CPVL: variants seen among roughly 807,000 people sequenced by gnomAD.
CPVL encodes the protein carboxypeptidase vitellogenic like, also known as probable serine carboxypeptidase CPVL.
A neutral mutation model predicts 63.7 loss-of-function variants in CPVL; 51 were observed. The ratio of observed to expected loss-of-function variants is 0.80; its 90% CI spans 0.64 to 1.01. The LOEUF is 1.01. CPVL is among the 50% of genes least tolerant of loss of function. The pLI, the probability that CPVL is intolerant of heterozygous loss-of-function variation, is 0.00. For missense variants in CPVL, 530 were observed against 573.1 expected (o/e 0.92, Z 0.77); for synonymous variants, 195 against 206.0 (o/e 0.95, Z 0.46).
intron 12 of CPVL, chr7:29,010,178 G>C (rs1047956068): frequency 6.6e-6 from 1 of 152,064 alleles, no homozygotes; most frequent in Non-Finnish European, 1.5e-5. Context: ...TGGGACTCTG[G>C]TTGCTGTATA....
chr7:29,079,679 C>T (rs548625080), intron 7 of CPVL, among the ~76,000 whole-genome samples: 2 of 152,316 alleles, frequency 1.3e-5, no homozygotes, highest in South Asian at 4.1e-4. Context: ...TGATCCCAAG[C>T]CCAGGCTAAC....
chr7:29,074,790 T>C (rs1486407729), intron 7 of CPVL, among the ~76,000 whole-genome samples: 3 of 150,754 alleles, frequency 2.0e-5, no homozygotes, highest in African/African-American at 4.9e-5. Context: ...ACAGGCATTA[T>C]ACTAGATACT....
chr7:29,159,816 A>G (rs1361548633), intron 5 of CPVL, among the ~76,000 whole-genome samples: 1 of 152,196 alleles, frequency 6.6e-6, no homozygotes, highest in Non-Finnish European at 1.5e-5. Context: ...AAAATAAGCC[A>G]TGAAAACAGG....
intron 12 of CPVL, among the ~76,000 whole-genome samples, chr7:29,028,959 T>G (rs1584033284): frequency 1.8e-5 from 2 of 108,372 alleles, no homozygotes; most frequent in Admixed American, 2.3e-4. Flanking sequence ...AGAGCAAGAC[T>G]CCATCTCAAA....
intron 12 of CPVL, among the ~76,000 whole-genome samples, chr7:29,000,530 C>T (rs1784519702): frequency 6.6e-6 from 1 of 151,968 alleles, no homozygotes. Context: ...ATGCAGGGGC[C>T]GTGAAGCTGC....
intron 1 of CPVL, among the ~76,000 whole-genome samples, chr7:29,131,804 C>T (rs535899804): frequency 7.6e-4 from 116 of 152,282 alleles, no homozygotes; most frequent in African/African-American, 2.7e-3. Flanking sequence ...TGAGCCACTG[C>T]GCCTTGGCCC....
intron 7 of CPVL, among the ~76,000 whole-genome samples, chr7:29,086,275 A>G (rs537962231): frequency 2.1e-4 from 31 of 145,128 alleles, no homozygotes; most frequent in Non-Finnish European, 4.6e-4. Flanking sequence ...CCTTGGCAAC[A>G]AGAGCAAAAC....
intron 1 of CPVL, among the ~76,000 whole-genome samples, chr7:29,143,866 A>G (rs1013541342): frequency 6.6e-6 from 1 of 152,216 alleles, no homozygotes; most frequent in African/African-American, 2.4e-5. Context: ...CAATGAAAGC[A>G]TGTGATTTCA....
intron 3 of CPVL, among the ~76,000 whole-genome samples, chr7:29,112,106 T>C (rs1293142756): frequency 1.3e-5 from 2 of 152,334 alleles, no homozygotes; most frequent in South Asian, 2.1e-4. Context: ...GGGAAAGTGA[T>C]GGCCTTTCCT....
intron 5 of CPVL, among the ~76,000 whole-genome samples, chr7:29,162,661 C>CA (rs35159645): frequency 0.017 from 965 of 57,944 alleles, 13 homozygotes; most frequent in African/African-American, 0.035. Flanking sequence ...AACTCCATCT[C>CA]AAAAAAAAAA....
chr7:29,061,629 GA>G (rs1476104860), intron 11 of CPVL, among the ~76,000 whole-genome samples: 1 of 152,078 alleles, frequency 6.6e-6, no homozygotes. Flanking sequence ...ACATGGCTGA[GA>G]AAGGAATCAT....
rs1327255621 is a variant in CPVL at position 29,098,061 on chromosome 7, T to C, written c.289-1844A>G. 2.0e-5 allele frequency among the ~76,000 whole-genome samples: 3 copies of C among 152,160 alleles called. No individual in the cohort carries two copies. The East Asian group carries it at 5.8e-4, about 29-fold the overall frequency. ...ATGATGGCATGGCTCGTTGGATGGT[T>C]AGTCAGCAAGGATCCCCTGGCTTCA... On this transcript the variant is annotated intron_variant, in intron 3 of 12. Coordinates refer to ENST00000265394, the MANE Select transcript of CPVL (RefSeq NM_031311.5).
intron 1 of CPVL, among the ~76,000 whole-genome samples, chr7:29,140,344 GAACTC>G: frequency 2.6e-5 from 4 of 152,258 alleles, no homozygotes; most frequent in Admixed American, 2.6e-4. Context: ...TCCTTTAACA[GAACTC>G]AACTCTTCAG....
At chr7:29,048,545 T>C (rs1450030234) in intron 11 of CPVL, among the ~76,000 whole-genome samples, 4 of 152,032 alleles carry the variant, frequency 2.6e-5, no homozygotes, top group Admixed American at 6.6e-5. Context: ...CAATTACTAA[T>C]AGACCTAAGA....
chr7:29,159,594 C>G (rs1794901099), intron 5 of CPVL, among the ~76,000 whole-genome samples: 1 of 152,146 alleles, frequency 6.6e-6, no homozygotes, highest in Non-Finnish European at 1.5e-5. Flanking sequence ...CCTCTTCCCA[C>G]ACAAGTCTTA....
intron 2 of CPVL, among the ~76,000 whole-genome samples, chr7:29,116,101 G>C (rs375985884): frequency 6.6e-6 from 1 of 152,138 alleles, no homozygotes; most frequent in African/African-American, 2.4e-5. Context: ...TTTAATGAAT[G>C]AATGTTAACA....
chr7:29,065,138 C>T (rs907678636), intron 10 of CPVL, among the ~76,000 whole-genome samples: 1 of 151,484 alleles, frequency 6.6e-6, no homozygotes, highest in South Asian at 2.1e-4. Context: ...AAAACAGTTA[C>T]ACAAGGATTA....
At chr7:29,134,901 AC>A (rs1184135573) in intron 1 of CPVL, among the ~76,000 whole-genome samples, 1 of 152,044 alleles carries the variant, frequency 6.6e-6, no homozygotes, top group East Asian at 1.9e-4. Flanking sequence ...GGAGTTCGAG[AC>A]CAGCCTGGGC....
chr7:29,175,913 G>A (rs544678141), intron 5 of CPVL, among the ~76,000 whole-genome samples: 66 of 152,160 alleles, frequency 4.3e-4, no homozygotes, highest in South Asian at 1.2e-3. Context: ...CCAGACGGGC[G>A]CGGTGGCTCA....
Sources: gnomAD v4.1 joint callset for allele counts (sites outside exome capture counted in the v4.1 genomes callset) on GRCh38, gnomAD v4.1.1 for gene constraint, MANE v1.5 for transcripts, NCBI Gene and HGNC (gene_info 2026-07-23, HGNC 2026-07-21) for gene names.